The following MRTFB variants were observed in gnomAD, a reference collection of about 807,000 sequenced individuals.
MRTFB encodes myocardin-related transcription factor B.
In MRTFB, 29 loss-of-function variants were observed where a neutral mutation model predicts 104.2. The observed-to-expected ratio is 0.28, with a 90% confidence interval of 0.21 to 0.38. MRTFB has a LOEUF of 0.38. Among genes scored for constraint, MRTFB ranks in the 10% least tolerant of loss-of-function variants. The pLI is 1.00. For missense variants in MRTFB, 1,270 were observed against 1,341.6 expected, an observed-to-expected ratio of 0.95 and a Z score of 0.83; for synonymous variants, 535 against 519.5, an observed-to-expected ratio of 1.03 and a Z score of -0.41.
In MRTFB at chr16:14,177,883, A is replaced by G. The variant is rs541482869; in HGVS notation, c.155-32360A>G. ...AGAAACTATTATTTAGAAAGCGAGA[A>G]GTACATGAACCAGAGGTAGGGTGTG... On this transcript the variant is annotated intron_variant, in intron 3 of 16. Transcript: ENST00000571589. The surrounding 1 kb of genome is among the most constrained non-coding windows in gnomAD (Gnocchi z 4.7). 2.0e-5 allele frequency among the ~76,000 whole-genome samples: 3 copies of G among 147,688 alleles called. No individual in the cohort carries two copies. In the South Asian group the frequency reaches 6.6e-4, roughly 33 times the overall value.
intron 3 of MRTFB, among the ~76,000 whole-genome samples, chr16:14,185,371 G>A (rs2039917326): frequency 6.6e-6 from 1 of 152,130 alleles, no homozygotes; most frequent in Admixed American, 6.5e-5. Flanking sequence ...AAAGAATATT[G>A]ATTTTTCTGT....
At chr16:14,172,737 T>C (rs1431349726) in intron 3 of MRTFB, among the ~76,000 whole-genome samples, 2 of 152,220 alleles carry the variant, frequency 1.3e-5, no homozygotes, top group African/African-American at 4.8e-5. Context: ...TAATTTTGAT[T>C]CAGTTTCTCT....
the MRTFB span, among the ~76,000 whole-genome samples, chr16:14,059,997 A>ATT: frequency 0.03 from 3,005 of 99,682 alleles, 656 homozygotes; most frequent in African/African-American, 0.14. Context: ...GAGACATGTA[A>ATT]TTTTTTTTTT....
At chr16:14,029,405 T>TA in the MRTFB span, among the ~76,000 whole-genome samples, 3,360 of 86,610 alleles carry the variant, frequency 0.039, 60 homozygotes, top group Middle Eastern at 0.06. Flanking sequence ...GACTCTGTCT[T>TA]AAAAAAAAAA....
the MRTFB span, among the ~76,000 whole-genome samples, chr16:14,055,931 A>G: frequency 6.6e-6 from 1 of 151,938 alleles, no homozygotes; most frequent in Non-Finnish European, 1.5e-5. Flanking sequence ...TGGTGTTCTA[A>G]TGGTGATTTT....
the MRTFB span, among the ~76,000 whole-genome samples, chr16:14,047,389 A>G: frequency 1.3e-5 from 2 of 152,322 alleles, no homozygotes; most frequent in Non-Finnish European, 2.9e-5. Context: ...CAGTCCCTGT[A>G]ACAGGCAGTG....
chr16:14,103,113 C>T (rs899757117), intron 2 of MRTFB, among the ~76,000 whole-genome samples: 2 of 152,170 alleles, frequency 1.3e-5, no homozygotes, highest in African/African-American at 2.4e-5. Context: ...GTTAAAACCC[C>T]TCCCTCTGCA....
rs548087881 is a variant in MRTFB at position 14,246,790 on chromosome 16, C to T, written c.1530C>T (p.Ser510=). 9.9e-6 allele frequency: 16 copies of T among 1,613,794 alleles called. No individual in the cohort carries two copies. The highest frequency in any genetic ancestry group is 8.3e-5 in the Admixed American group (5 of 60,030). The change falls in exon 12 of 17, where the codon TCC becomes TCT. Residue 510 remains serine (S), a synonymous_variant. Transcript: ENST00000571589. ...HSPLPISPSP[S]EQSSLSTDDT... is the part of the protein sequence containing the mutation. ...CTCTGCCCATTTCACCATCTCCCTCCGAACAGTCCAGTCTCAGTACTGATG... is the reference window on the plus strand; with the variant it reads ...CTCTGCCCATTTCACCATCTCCCTCTGAACAGTCCAGTCTCAGTACTGATG...
At chr16:14,190,761 A>G (rs1258282744) in intron 3 of MRTFB, among the ~76,000 whole-genome samples, 1 of 152,200 alleles carries the variant, frequency 6.6e-6, no homozygotes, top group African/African-American at 2.4e-5. Context: ...GGGCAGGACA[A>G]CTATCCCAGG....
At chr16:14,116,250 T>C (rs879773488) in intron 2 of MRTFB, among the ~76,000 whole-genome samples, 3 of 152,148 alleles carry the variant, frequency 2.0e-5, no homozygotes, top group Non-Finnish European at 2.9e-5. Context: ...ATAGCTTCTT[T>C]ATCCTGCCTC....
At chr16:14,015,603 TTCA>T in the MRTFB span, among the ~76,000 whole-genome samples, 1 of 152,164 alleles carries the variant, frequency 6.6e-6, no homozygotes, top group Non-Finnish European at 1.5e-5. Flanking sequence ...CTCGCTATCA[TTCA>T]TCAAGTTCTG....
At chr16:14,176,579 G>T (rs2039590418) in intron 3 of MRTFB, among the ~76,000 whole-genome samples, 1 of 152,096 alleles carries the variant, frequency 6.6e-6, no homozygotes, top group Non-Finnish European at 1.5e-5. Context: ...TGAGTATTAG[G>T]GCTTAATTTC....
chr16:14,256,344 C>A (rs1178936786), intron 15 of MRTFB, among the ~76,000 whole-genome samples: 1 of 152,048 alleles, frequency 6.6e-6, no homozygotes. Flanking sequence ...GATATAAAAG[C>A]CAGACTCAAC....
chr16:14,120,035 A>T (rs117720585), intron 2 of MRTFB, among the ~76,000 whole-genome samples: 2,852 of 152,310 alleles, frequency 0.019, 49 homozygotes, highest in Admixed American at 0.04. Flanking sequence ...AATGTGAAAT[A>T]GTACATTTCC....
At chr16:14,243,864 G>GTTTTTTTTTTTTTTTTTTTTTTTTTTTT (rs56296807) in intron 10 of MRTFB, among the ~76,000 whole-genome samples, 6 of 124,644 alleles carry the variant, frequency 4.8e-5, no homozygotes, top group African/African-American at 1.1e-4. Flanking sequence ...CCTGTTTTGG[G>GTTTTTTTTTTTTTTTTTTTTTTTTTTTT]TTTTTTTTTT....
At chr16:14,260,354 T>TA (rs11334309) in intron 16 of MRTFB, among the ~76,000 whole-genome samples, 9,508 of 129,192 alleles carry the variant, frequency 0.074, 389 homozygotes, top group African/African-American at 0.12. Context: ...ACTGTAATGA[T>TA]AAAAAAAAAA....
chr16:14,075,675 C>G lies in MRTFB; in HGVS notation c.-128-3615C>G, dbSNP rs566398986. Among the ~76,000 whole-genome samples, 28 of 152,300 alleles carry G rather than the reference C, an allele frequency of 1.8e-4. No individual in the cohort carries two copies. In the South Asian group the frequency reaches 2.3e-3, roughly 12 times the overall value. On this transcript the variant is annotated intron_variant, in intron 1 of 16. Transcript: ENST00000571589. ...AGAGTAGAGCTCCTTCTCTTCTCAC[C>G]TTTTTCTGTTCTCTCTTCTAATTCC... is the stretch of plus-strand genomic sequence containing the variant.
At chr16:14,036,806 A>T in the MRTFB span, among the ~76,000 whole-genome samples, 24 of 152,244 alleles carry the variant, frequency 1.6e-4, no homozygotes, top group Admixed American at 3.9e-4. Flanking sequence ...TGTGGAGGAA[A>T]CAAGAGGCAT....
intron 2 of MRTFB, among the ~76,000 whole-genome samples, chr16:14,087,749 C>T (rs1378182402): frequency 6.6e-6 from 1 of 152,098 alleles, no homozygotes; most frequent in Non-Finnish European, 1.5e-5. Flanking sequence ...GAAAGGATAT[C>T]CTCCTACATC....
Sources: allele counts gnomAD v4.1 joint callset (sites outside exome capture counted in the v4.1 genomes callset), GRCh38; gene constraint gnomAD v4.1.1; non-coding constraint Gnocchi (gnomAD v3.1); transcripts MANE v1.5; gene names NCBI Gene and HGNC (gene_info 2026-07-23, HGNC 2026-07-21).